IP6K1: variants seen among roughly 807,000 people sequenced by gnomAD.
IP6K1 encodes ATP:1D-myo-inositol-hexakisphosphate phosphotransferase.
IP6K1 carries 13 observed loss-of-function variants against 38.3 expected under a neutral mutation model. The observed-to-expected ratio is 0.34, with a 90% CI of 0.22 to 0.54. The LOEUF (loss-of-function observed/expected upper bound fraction) is 0.54. Among genes scored for constraint, IP6K1 ranks in the 20% least tolerant of loss-of-function variants. The probability of loss-of-function intolerance (pLI) is 0.92; values close to 1 mark genes in which losing one functional copy is unlikely to be tolerated. For missense variants in IP6K1, 397 were observed against 599.8 expected, an observed-to-expected ratio of 0.66 and a Z score of 3.53; for synonymous variants, 212 against 229.9, an observed-to-expected ratio of 0.92 and a Z score of 0.70.
intron 4 of IP6K1, 51 bp downstream of exon 4, chr3:49,732,740 C>T: frequency 6.7e-7 from 1 of 1,493,618 alleles, no homozygotes; most frequent in South Asian, 1.3e-5. Flanking sequence ...TGCCCCAACA[C>T]ACGACCTATG....
intron 1 of IP6K1, among the ~76,000 whole-genome samples, chr3:49,771,188 CAAAAAAAA>C (rs35601566): frequency 0.041 from 2,988 of 72,598 alleles, 119 homozygotes; most frequent in African/African-American, 0.14. Flanking sequence ...AACTCAGTAA[CAAAAAAAA>C]AAAAAAAAAA....
Position 49,728,296 on chromosome 3 carries a change from A to AGAAT in IP6K1, c.617-22_617-19dup. On this transcript the variant is annotated intron_variant, in intron 4 of 5. Coordinates refer to ENST00000321599, the MANE Select transcript of IP6K1 (RefSeq NM_153273.4). The stretch of plus-strand genomic sequence containing the variant: ...GAGGAACTCTGGGCCACGGTCAAGG[A>AGAAT]GAATGACAACCACACTCACCATCAG... 1 of 1,609,026 alleles carries AGAAT rather than the reference A, an allele frequency of 6.2e-7. No individual in the cohort carries two copies. Among genetic ancestry groups the AGAAT allele is most frequent in the Non-Finnish European group, 8.5e-7 (1 of 1,175,654 alleles).
At chr3:49,768,745 C>T (rs2080932119) in intron 1 of IP6K1, among the ~76,000 whole-genome samples, 2 of 151,914 alleles carry the variant, frequency 1.3e-5, no homozygotes, top group African/African-American at 4.8e-5. Flanking sequence ...ACTCCAGCCT[C>T]GGTGACAGAG....
chr3:49,771,155 C>T (rs1274464984), intron 1 of IP6K1, among the ~76,000 whole-genome samples: 2 of 117,394 alleles, frequency 1.7e-5, no homozygotes, highest in African/African-American at 3.1e-5. Context: ...ATATAGTATC[C>T]AGAATACAAA....
At chr3:49,744,072 A>G (rs1290701804) in intron 2 of IP6K1, among the ~76,000 whole-genome samples, 1 of 151,968 alleles carries the variant, frequency 6.6e-6, no homozygotes, top group South Asian at 2.1e-4. Context: ...GGTGACTTCT[A>G]TTCCCATCAT....
intron 1 of IP6K1, among the ~76,000 whole-genome samples, chr3:49,752,706 T>C (rs919942673): frequency 5.3e-5 from 8 of 151,360 alleles, no homozygotes; most frequent in Non-Finnish European, 1.0e-4. Context: ...TCTGCCCGCC[T>C]AGACCTCCCA....
At position 49,747,919 on chromosome 3, in the gene IP6K1, C is replaced by A. The variant is rs750257907; in HGVS notation, c.122G>T (p.Arg41Leu). ...CTTGCACACAGTGTGATCGTCGTAA[C>A]GCATCATGCTGCTGTGTCCGCCTAC... ...HQVGGHSSMM[R>L]YDDHTVCKPL... The change falls in exon 2 of 6, where the codon CGT becomes CTT. Residue 41 changes from arginine to leucine, a missense_variant. Transcript: ENST00000321599. 1 of 1,614,076 alleles carries A rather than the reference C, an allele frequency of 6.2e-7. No individual in the cohort carries two copies. The highest frequency in any genetic ancestry group is 1.3e-5 in the African/African-American group (1 of 74,924).
At chr3:49,736,552 C>T (rs2080613876) in intron 3 of IP6K1, among the ~76,000 whole-genome samples, 4 of 152,112 alleles carry the variant, frequency 2.6e-5, no homozygotes. Flanking sequence ...TACCAGCACT[C>T]CATTCCTTTT....
chr3:49,760,379 T>C (rs1056502771), intron 1 of IP6K1, among the ~76,000 whole-genome samples: 2 of 152,052 alleles, frequency 1.3e-5, no homozygotes, highest in Admixed American at 1.3e-4. Flanking sequence ...ATTCCAACAC[T>C]TTGGGAGGCC....
At chr3:49,758,920 C>A (rs1017232536) in intron 1 of IP6K1, among the ~76,000 whole-genome samples, 3 of 151,270 alleles carry the variant, frequency 2.0e-5, no homozygotes, top group Admixed American at 1.3e-4. Context: ...AAGATCCAGC[C>A]TGGATGACAG....
intron 4 of IP6K1, among the ~76,000 whole-genome samples, chr3:49,732,290 T>C (rs369973115): frequency 1.6e-4 from 24 of 152,070 alleles, no homozygotes; most frequent in East Asian, 1.3e-3. Context: ...CTCACCAAAG[T>C]CAAATATATC....
chr3:49,784,840 G>C (rs1455451838), intron 1 of IP6K1, among the ~76,000 whole-genome samples: 3 of 152,090 alleles, frequency 2.0e-5, no homozygotes, highest in African/African-American at 7.2e-5. Flanking sequence ...AGCTACTCGG[G>C]AGGCTGAGGC....
intron 2 of IP6K1, among the ~76,000 whole-genome samples, chr3:49,740,618 G>GT (rs1451863238): frequency 7.2e-5 from 11 of 152,048 alleles, no homozygotes; most frequent in Non-Finnish European, 1.5e-4. Flanking sequence ...GTTCTTTTGT[G>GT]TCTGGCTTAG....
At chr3:49,740,622 G>A (rs934024463) in intron 2 of IP6K1, among the ~76,000 whole-genome samples, 11 of 152,000 alleles carry the variant, frequency 7.2e-5, no homozygotes, top group Non-Finnish European at 1.5e-4. Flanking sequence ...TTTTGTGTCT[G>A]GCTTAGTTCA....
At chr3:49,749,978 C>T (rs2080758656) in intron 1 of IP6K1, among the ~76,000 whole-genome samples, 2 of 152,130 alleles carry the variant, frequency 1.3e-5, no homozygotes, top group Non-Finnish European at 2.9e-5. Context: ...ATAGTGCACA[C>T]ATCTATGACT....
In IP6K1 at chr3:49,748,014, C is replaced by G. The variant is rs146101769; in HGVS notation, c.27G>C (p.Val9=). 39 of 1,613,644 alleles carry G rather than the reference C, an allele frequency of 2.4e-5. No individual in the cohort carries two copies. The highest frequency in any genetic ancestry group is 3.6e-4 in the Middle Eastern group (2 of 5,604). Residue 9 remains valine (V), a synonymous_variant, in exon 2 of 6, where the codon GTG becomes GTC. Transcript: ENST00000321599. ...GACTTGCATTCTTGCCATACTGCCC[C>G]ACTTCCATGGTTTGACAAACACACA... MCVCQTME[V]GQYGKNASRA...
intron 1 of IP6K1, among the ~76,000 whole-genome samples, chr3:49,779,702 T>A (rs1293792605): frequency 6.6e-6 from 1 of 152,158 alleles, no homozygotes; most frequent in Non-Finnish European, 1.5e-5. Flanking sequence ...CTTTTCTTTT[T>A]AGAGACAGGG....
At chr3:49,768,034 T>TAAAAAAA (rs140063422) in intron 1 of IP6K1, among the ~76,000 whole-genome samples, 1 of 121,688 alleles carries the variant, frequency 8.2e-6, no homozygotes. Context: ...ATCCAAGTTA[T>TAAAAAAA]AAAAAAAAAA....
intron 1 of IP6K1, among the ~76,000 whole-genome samples, chr3:49,766,744 G>C (rs1322386245): frequency 6.6e-6 from 1 of 151,046 alleles, no homozygotes; most frequent in Non-Finnish European, 1.5e-5. Context: ...GAGGCGAGCA[G>C]ATCACTAGGT....
Sources: allele counts gnomAD v4.1 joint callset (sites outside exome capture counted in the v4.1 genomes callset), GRCh38; gene constraint gnomAD v4.1.1; transcripts MANE v1.5; gene names NCBI Gene and HGNC (gene_info 2026-07-23, HGNC 2026-07-21).